Variants in KIF15 observed in about 807,000 individuals in gnomAD.
KIF15 encodes kinesin family member 15.
In KIF15, 140 loss-of-function variants were observed where a neutral mutation model predicts 190.6. That is an observed-to-expected ratio of 0.73 (90% CI 0.64 to 0.84). The LOEUF is 0.84. Ranked by LOEUF, KIF15 falls within the 40% of genes least tolerant of loss-of-function variation. The pLI, the probability that KIF15 is intolerant of heterozygous loss-of-function variation, is 0.00. For missense variants in KIF15, 1,372 were observed against 1,584.4 expected, an observed-to-expected ratio of 0.87 and a Z score of 2.28; for synonymous variants, 528 against 551.3, an observed-to-expected ratio of 0.96 and a Z score of 0.59.
At chr3:44,829,772 G>T (rs568033506) in intron 24 of KIF15, among the ~76,000 whole-genome samples, 199 bp from the exon 25 acceptor site, 118 of 136,722 alleles carry the variant, frequency 8.6e-4, no homozygotes, top group African/African-American at 2.5e-3. Flanking sequence ...ATATATTATA[G>T]ATGTATATAT....
intron 10 of KIF15, chr3:44,799,335 G>T (rs1176776584): frequency 2.0e-5 from 9 of 456,676 alleles, no homozygotes; most frequent in Admixed American, 2.3e-5. Context: ...CAGAGTATCT[G>T]GGACTTGTTT....
chr3:44,840,655 ATTTTTTTTTTTTT>A (rs60621752), intron 28 of KIF15, among the ~76,000 whole-genome samples, 199 bp downstream of exon 28: 103 of 67,084 alleles, frequency 1.5e-3, no homozygotes, highest in African/African-American at 2.7e-3. Context: ...TAAGCAGCGG[ATTTTTTTTTTTTT>A]TTTTTTTTTT....
chr3:44,861,991 G>T, intron 6 of KIF15: 1 of 1,386,010 alleles, frequency 7.2e-7, no homozygotes, highest in Middle Eastern at 2.0e-4. Context: ...CACCCCCGCG[G>T]AATTCCCTCC....
intron 6 of KIF15, among the ~76,000 whole-genome samples, chr3:44,866,219 C>T (rs1046817652): frequency 1.3e-5 from 2 of 151,856 alleles, no homozygotes; most frequent in South Asian, 2.1e-4. Flanking sequence ...ACTACAGGCA[C>T]CCGCCACCAT....
chr3:44,806,827 C>T (rs1490095419), intron 16 of KIF15, among the ~76,000 whole-genome samples: 1 of 152,090 alleles, frequency 6.6e-6, no homozygotes, highest in Non-Finnish European at 1.5e-5. Flanking sequence ...CTCACTGCAA[C>T]CTCCGCCTCC....
intron 25 of KIF15, 116 bp from the exon 26 acceptor site, chr3:44,830,780 A>G (rs1559577179): frequency 1.0e-6 from 1 of 983,084 alleles, no homozygotes; most frequent in Non-Finnish European, 1.5e-6. Flanking sequence ...GCAAGTATTT[A>G]TTGAATTATC....
Position 44,831,169 on chromosome 3 carries a change from G to T in KIF15, c.3171+151G>T, listed in dbSNP as rs200494301. ...TGCCTCAAGACGCTTCACTACACAG[G>T]CTCATTCTACCTCTACCTCACTGCC... On this transcript the variant is annotated intron_variant, in intron 26 of 34. Coordinates refer to ENST00000326047, the MANE Select transcript of KIF15 (RefSeq NM_020242.3). 9 of 876,744 alleles carry T rather than the reference G, an allele frequency of 1.0e-5. No homozygotes were observed. The East Asian group carries it at 2.5e-4, about 24-fold the overall frequency. The allele number at this position is 876,744 out of a possible 1,614,324, so 54.3% of individuals were successfully genotyped here. A position where few individuals can be genotyped will look rare whatever the true frequency, so the allele number is the denominator to read the frequency against.
At chr3:44,808,179 G>A (rs1415268126) in intron 16 of KIF15, among the ~76,000 whole-genome samples, 6 of 152,126 alleles carry the variant, frequency 3.9e-5, no homozygotes, top group Non-Finnish European at 8.8e-5. Flanking sequence ...AAAAATACTT[G>A]CAGAATACTG....
At chr3:44,812,715 T>C (rs1296827505) in intron 18 of KIF15, among the ~76,000 whole-genome samples, 1 of 152,216 alleles carries the variant, frequency 6.6e-6, no homozygotes, top group African/African-American at 2.4e-5. Flanking sequence ...CCAGGCACAG[T>C]GGCTAACACC....
chr3:44,805,812 A>T (rs1487096803), intron 15 of KIF15, 33 bp from the exon 16 acceptor site: 6 of 1,589,050 alleles, frequency 3.8e-6, no homozygotes, highest in Middle Eastern at 1.7e-4. Context: ...ATTACTTATT[A>T]CCTGAAATAC....
chr3:44,820,308 C>CA (rs1313212294), intron 20 of KIF15, among the ~76,000 whole-genome samples: 1 of 143,976 alleles, frequency 6.9e-6, no homozygotes, highest in Non-Finnish European at 1.5e-5. Context: ...TTATTTTGCT[C>CA]GTTAGTTGAT....
chr3:44,811,006 C>G lies in KIF15; in HGVS notation c.2132C>G (p.Ala711Gly), dbSNP rs780875823. 1.9e-6 allele frequency: 3 copies of G among 1,613,520 alleles called. No individual in the cohort carries two copies. The highest frequency in any genetic ancestry group is 2.2e-5 in the East Asian group (1 of 44,854). ...GTTCCTCCTGAGATGAATGAACAAG[C>G]TTTTGAGGCCATTTCTGAAGAGCTT... ...EPVPPEMNEQ[A>G]FEAISEELRT... The change falls in exon 17 of 35, where the codon GCT (alanine) becomes GGT (glycine). Residue 711 changes from alanine to glycine, a missense_variant. Physicochemically the swap from Ala to Gly is moderately conservative, Grantham distance 60 (BLOSUM62 0). Coordinates refer to ENST00000326047, the MANE Select transcript of KIF15 (RefSeq NM_020242.3).
intron 26 of KIF15, among the ~76,000 whole-genome samples, chr3:44,833,591 C>A (rs537522087): frequency 6.7e-6 from 1 of 148,272 alleles, no homozygotes; most frequent in Non-Finnish European, 1.5e-5. Context: ...TGACAGGAGG[C>A]GGAGCTCAGG....
intron 11 of KIF15, among the ~76,000 whole-genome samples, chr3:44,801,042 T>C (rs1173588711): frequency 3.3e-5 from 5 of 151,686 alleles, no homozygotes; most frequent in African/African-American, 1.2e-4. Flanking sequence ...CAGTCTCTCT[T>C]TGTCACCCAG....
In KIF15 at chr3:44,829,548, A is replaced by ATGTATATATATTATATATGTATATG. The variant is rs1553658674; in HGVS notation, c.2944-414_2944-413insATTATATATGTATATGTGTATATAT. Reference sequence around the variant, plus strand: ...TGTATATAATATGTATATATTATATATGTATATATTATATATGTATATATT... The same window carrying ATGTATATATATTATATATGTATATG: ...TGTATATAATATGTATATATTATATATGTATATATATTATATATGTATATGTGTATATATTATATATGTATATATT... On this transcript the variant is annotated intron_variant, in intron 24 of 34. Transcript: ENST00000326047. Among the ~76,000 whole-genome samples the ATGTATATATATTATATATGTATATG allele has an allele frequency of 9.8e-4, 116 of 118,486 alleles. 2 individuals carry two copies. Among genetic ancestry groups the ATGTATATATATTATATATGTATATG allele is most frequent in the Non-Finnish European group, 1.5e-3 (97 of 62,830 alleles). 77.7% of individuals were successfully genotyped at this position (118,486 alleles called of 152,430 possible).
At chr3:44,782,313 C>T (rs189432101) in intron 5 of KIF15, among the ~76,000 whole-genome samples, 21 of 152,278 alleles carry the variant, frequency 1.4e-4, no homozygotes, top group Non-Finnish European at 2.4e-4. Context: ...CCACCTGCCT[C>T]GGCCTCCCAA....
chr3:44,778,041 T>C (rs1705980092), intron 3 of KIF15, 74 bp from the exon 4 acceptor site: 1 of 1,251,098 alleles, frequency 8.0e-7, no homozygotes, highest in Non-Finnish European at 1.2e-6. Context: ...TTTTTGCTGT[T>C]ACATTGTAGA....
chr3:44,783,376 A>AAG (rs1222837058), intron 5 of KIF15, among the ~76,000 whole-genome samples: 5 of 151,722 alleles, frequency 3.3e-5, no homozygotes, highest in African/African-American at 7.3e-5. Context: ...GAGAGAGACA[A>AAG]AGAGAGAGAG....
rs1242682285 is a variant in KIF15, at chr3:44,831,026, T to C, written c.3171+8T>C. ...CTTTCTGAGGACATAGAGGTAGGTA[T>C]TAACGCATCACAGCTTCTTTGTTTG... On this transcript the variant is annotated splice_region_variant and intron_variant, in intron 26 of 34. Transcript: ENST00000326047. 6.2e-7 allele frequency: 1 copy of C among 1,611,484 alleles called. No homozygotes were observed. Among genetic ancestry groups the C allele is most frequent in the Non-Finnish European group, 8.5e-7 (1 of 1,179,282 alleles).
Sources: allele counts gnomAD v4.1 joint callset (sites outside exome capture counted in the v4.1 genomes callset), GRCh38; gene constraint gnomAD v4.1.1; transcripts MANE v1.5; gene names NCBI Gene and HGNC (gene_info 2026-07-23, HGNC 2026-07-21).